The following LYST variants were observed in gnomAD, a reference collection of about 807,000 sequenced individuals.
The protein encoded by LYST is lysosomal trafficking regulator.
Under a neutral mutation model 413.6 loss-of-function variants are expected in LYST, and 192 were observed. The observed-to-expected ratio is 0.46, with a 90% CI of 0.41 to 0.52. The LOEUF is 0.52. Ranked by LOEUF, LYST falls within the 20% of genes least tolerant of loss-of-function variation. The pLI is 0.00. For missense variants in LYST, 3,815 were observed against 4,499.9 expected (o/e 0.85, Z 4.35); for synonymous variants, 1,525 against 1,567.3 (o/e 0.97, Z 0.64).
In LYST at chr1:235,720,633, C is replaced by A. The variant is rs183229578; in HGVS notation, c.9560+28G>T. The A allele has an allele frequency of 2.5e-6, 4 of 1,609,998 alleles. No homozygotes were observed. The South Asian group carries it at 3.3e-5, about 13-fold the overall frequency. The stretch of plus-strand genomic sequence containing the variant: ...AAATACAACATATGGATGGATGAAC[C>A]CTAAAGGTGATGATTCTTTTAACTT... On this transcript the variant is annotated intron_variant, in intron 40 of 52. Transcript: ENST00000389793.
At chr1:235,869,478 A>C (rs1680836095), upstream of LYST, among the ~76,000 whole-genome samples, 1 of 152,224 alleles carries the variant, frequency 6.6e-6, no homozygotes, top group South Asian at 2.1e-4. Context: ...TCTCAAAAAA[A>C]AAAATAATAA....
At chr1:235,811,873 A>T (rs113454549) in intron 4 of LYST, among the ~76,000 whole-genome samples, 4,140 of 152,260 alleles carry the variant, frequency 0.027, 168 homozygotes, top group African/African-American at 0.094. Context: ...AATTCTGCAA[A>T]CTCAGAAAAA....
At chr1:235,730,599 GTGTGTGTGTGTGTGTA>G (rs201238085) in intron 36 of LYST, among the ~76,000 whole-genome samples, 959 of 77,546 alleles carry the variant, frequency 0.012, 14 homozygotes, top group East Asian at 0.033. Context: ...GTGTGTGTGT[GTGTGTGTGTGTGTGTA>G]TATGTAAACT....
At chr1:235,799,691 G>A (rs924562350) in intron 10 of LYST, among the ~76,000 whole-genome samples, 2 of 152,034 alleles carry the variant, frequency 1.3e-5, no homozygotes, top group African/African-American at 4.8e-5. Context: ...GAAGTACCAA[G>A]TACAGATTAA....
rs753038724 is a variant in LYST at position 235,810,163 on chromosome 1, T to C, written c.655A>G (p.Met219Val). 4.1e-5 allele frequency: 66 copies of C among 1,614,046 alleles called. No homozygotes were observed. The highest frequency in any genetic ancestry group is 5.4e-5 in the Non-Finnish European group (64 of 1,180,006). ...ATKEQTPPDA[M>V]ALENSREIIP... Reference sequence around the variant, plus strand: ...ATCTCTCTGGAATTTTCCAAAGCCATAGCATCTGGAGGAGTCTGTTCTTTG... The same window carrying C: ...ATCTCTCTGGAATTTTCCAAAGCCACAGCATCTGGAGGAGTCTGTTCTTTG... Residue 219 changes from methionine (M) to valine (V), a missense_variant, in exon 5 of 53, where the codon ATG becomes GTG. Around this residue, in one of 4 missense-constraint regions of LYST, gnomAD observed 1,648 missense variants for 1,810.3 expected, o/e 0.91. Coordinates refer to ENST00000389793, the MANE Select transcript of LYST (RefSeq NM_000081.4).
chr1:235,822,071 A>G (rs1204667787), intron 3 of LYST, among the ~76,000 whole-genome samples: 1 of 152,228 alleles, frequency 6.6e-6, no homozygotes, highest in Non-Finnish European at 1.5e-5. Flanking sequence ...CATTTTAAAG[A>G]AAGTTGGTTA....
intron 42 of LYST, chr1:235,713,313 A>C: frequency 1.9e-6 from 1 of 532,430 alleles, no homozygotes; most frequent in South Asian, 8.2e-5. Flanking sequence ...AATTCTCAAA[A>C]ACAAACAAAA....
chr1:235,809,616 A>G lies in LYST; in HGVS notation c.1202T>C (p.Leu401Ser), dbSNP rs1281525479. The G allele has an allele frequency of 6.2e-7, 1 of 1,614,096 alleles. No individual in the cohort carries two copies. Among genetic ancestry groups the G allele is most frequent in the Non-Finnish European group, 8.5e-7 (1 of 1,179,958 alleles). ...AAGAACTCCTTCCAAAAGCTCAGGT[A>G]AAAGAAGGGCTCTATGACGATACTT... ...FSKYRHRALL[L>S]PELLEGVLQI... The change falls in exon 5 of 53, where the codon TTA becomes TCA. Residue 401 changes from leucine to serine, a missense_variant. Leu to Ser is a moderately radical substitution (Grantham distance 145). This residue lies in a region of LYST where 1,648 missense variants were observed against 1,810.3 expected (regional missense o/e 0.91). Coordinates refer to ENST00000389793, the MANE Select transcript of LYST (RefSeq NM_000081.4). This position sits in a 1 kb window ranked among gnomAD's most constrained non-coding sequence, Gnocchi z 4.0.
intron 18 of LYST, among the ~76,000 whole-genome samples, chr1:235,774,387 A>G (rs1669017841): frequency 6.6e-6 from 1 of 152,238 alleles, no homozygotes; most frequent in African/African-American, 2.4e-5. Flanking sequence ...CTTTTGCCTT[A>G]GTACCAGAAG....
chr1:235,741,633 A>G lies in LYST; in HGVS notation c.8152-5T>C. 6.2e-7 allele frequency: 1 copy of G among 1,607,110 alleles called. No individual in the cohort carries two copies. The highest frequency in any genetic ancestry group is 8.5e-7 in the Non-Finnish European group (1 of 1,173,804). On this transcript the variant is annotated splice_region_variant and splice_polypyrimidine_tract_variant and intron_variant, in intron 30 of 52. Coordinates refer to ENST00000389793, the MANE Select transcript of LYST (RefSeq NM_000081.4). ...ACCACTGGCTTTACTTGAACCCTAA[A>G]ATCAATCAAGATAGGAATGAATTAG...
chr1:235,736,963 G>C (rs1355849793), intron 31 of LYST: 1 of 152,018 alleles, frequency 6.6e-6, no homozygotes, highest in Admixed American at 6.6e-5. Context: ...GAACCATGTA[G>C]ACATTTCACA....
At position 235,773,872 on chromosome 1, in the gene LYST, C is replaced by G. The variant is rs527664540; in HGVS notation, c.5754G>C (p.Leu1918Phe). The G allele has an allele frequency of 1.9e-6, 3 of 1,612,762 alleles. No homozygotes were observed. ...CTTTACTCCATATCTTCCAGTCAAG[C>G]AATAGTTCCTCTAACAGCTTAACAT... ...IQDVKLLEEL[L>F]LDWKIWSKAE... The change falls in exon 19 of 53, where the codon TTG becomes TTC. Residue 1918 changes from leucine to phenylalanine, a missense_variant. Physicochemically the swap from Leu to Phe is conservative, Grantham distance 22. Transcript: ENST00000389793.
intron 31 of LYST, chr1:235,737,956 C>CATTAAA: frequency 7.9e-7 from 1 of 1,267,902 alleles, no homozygotes; most frequent in East Asian, 3.2e-5. Flanking sequence ...ACCCGCCGGA[C>CATTAAA]GTGCATTCTC....
Position 235,702,765 on chromosome 1 carries a change from G to C in LYST, c.10356C>G (p.Val3452=), listed in dbSNP as rs149241083. ...QFAFRETREQ[V]KEITYPSPLS... Reference sequence around the variant, plus strand: ...GACATACCGGATAGGTGATTTCTTTGACCTGTTCTCGGGTCTCCCTGAAAG... The same window carrying C: ...GACATACCGGATAGGTGATTTCTTTCACCTGTTCTCGGGTCTCCCTGAAAG... The change falls in exon 45 of 53, where the codon GTC becomes GTG. Residue 3452 remains valine, a synonymous_variant. Transcript: ENST00000389793. 1.2e-5 allele frequency: 19 copies of C among 1,613,910 alleles called. No homozygotes were observed. Among genetic ancestry groups the C allele is most frequent in the Non-Finnish European group, 1.6e-5 (19 of 1,179,900 alleles).
At chr1:235,713,169 A>G (rs1662543303) in intron 42 of LYST, 1 of 985,058 alleles carries the variant, frequency 1.0e-6, no homozygotes, top group Admixed American at 6.2e-5. Flanking sequence ...CTGGCCACTA[A>G]AAAAAATCTG....
In LYST at chr1:235,753,104, T is replaced by C. The variant is rs748309102; in HGVS notation, c.7400A>G (p.Asp2467Gly). The C allele has an allele frequency of 3.0e-5, 49 of 1,608,880 alleles. No individual in the cohort carries two copies. In the East Asian group the frequency reaches 1.1e-3, roughly 35 times the overall value. ...ACATAACACATAGAGTAGACCATTATCCAGCAACATATCTGCTACCTTAGA... is the reference window on the plus strand; with the variant it reads ...ACATAACACATAGAGTAGACCATTACCCAGCAACATATCTGCTACCTTAGA... ...SCSKVADMLL[D>G]NGLLYVLCNT... The change falls in exon 26 of 53, where the codon GAT becomes GGT. Residue 2467 changes from aspartate to glycine, a missense_variant. Coordinates refer to ENST00000389793, the MANE Select transcript of LYST (RefSeq NM_000081.4).
intron 1 of LYST, 141 bp downstream of exon 1, chr1:235,866,702 C>CA (rs1680572151): frequency 6.6e-6 from 1 of 152,322 alleles, no homozygotes; most frequent in African/African-American, 2.4e-5. Flanking sequence ...CTCGCGCCCT[C>CA]GCGCCCTCAG....
chr1:235,677,725 CAT>C, intron 48 of LYST, 106 bp from the exon 49 acceptor site: 1 of 829,610 alleles, frequency 1.2e-6, no homozygotes, highest in Non-Finnish European at 2.0e-6. Flanking sequence ...TCTTCTCAAA[CAT>C]ATCATTCTTC....
intron 36 of LYST, among the ~76,000 whole-genome samples, chr1:235,729,988 A>G: frequency 6.6e-6 from 1 of 151,990 alleles, no homozygotes; most frequent in South Asian, 2.1e-4. Flanking sequence ...CTTCAGATAC[A>G]TTTTTTGTGT....
Sources: allele counts gnomAD v4.1 joint callset (sites outside exome capture counted in the v4.1 genomes callset), GRCh38; gene constraint gnomAD v4.1.1; regional missense constraint gnomAD v4.1.1; non-coding constraint Gnocchi (gnomAD v3.1); transcripts MANE v1.5; gene names NCBI Gene and HGNC (gene_info 2026-07-23, HGNC 2026-07-21).